The following SRRD variants were observed in gnomAD, a reference collection of about 807,000 sequenced individuals.
SRRD encodes SRR1 domain containing, also known as SRR1-like protein.
In SRRD, 28 loss-of-function variants were observed where a neutral mutation model predicts 30.7. That is an observed-to-expected ratio of 0.91 (90% CI 0.68 to 1.25). The LOEUF is 1.25. SRRD is among the 50% of genes most tolerant of loss of function. SRRD has a pLI of 0.00. For synonymous variants in SRRD, 161 were observed against 159.6 expected (o/e 1.01, Z -0.07); for missense variants, 415 against 417.3 (o/e 0.99, Z 0.05).
In SRRD at chr22:26,491,622, G is replaced by T; in HGVS notation, c.970G>T (p.Asp324Tyr). The part of the protein sequence containing the change: ...REEPDYQDCE[D>Y]LEIIRNKRED... ...AGAACCAGATTATCAGGACTGTGAG[G>T]ACCTTGAAATCATCAGGAACAAGAG... Residue 324 changes from aspartate to tyrosine, a missense_variant, in exon 7 of 7, where the codon GAC becomes TAC. Coordinates refer to ENST00000215917, the MANE Select transcript of SRRD (RefSeq NM_001013694.3). 1 of 1,613,898 alleles carries T rather than the reference G, an allele frequency of 6.2e-7. No homozygotes were observed. Among genetic ancestry groups the T allele is most frequent in the East Asian group, 2.2e-5 (1 of 44,890 alleles).
chr22:26,491,239 CTTAGT>C (rs1330456564), intron 6 of SRRD, 169 bp downstream of exon 6: 6 of 771,716 alleles, frequency 7.8e-6, no homozygotes, highest in Non-Finnish European at 1.3e-5. Flanking sequence ...TAATGCATCT[CTTAGT>C]TTTTTCCTTA....
chr22:26,491,891 C>G lies in SRRD; in HGVS notation c.*219C>G. The G allele has an allele frequency of 9.3e-7, 1 of 1,080,126 alleles. No homozygotes were observed. 66.9% of individuals were successfully genotyped at this position (1,080,126 alleles called of 1,614,324 possible). On this transcript the variant is annotated 3_prime_UTR_variant, in exon 7 of 7. Transcript: ENST00000215917. The stretch of plus-strand genomic sequence containing the variant: ...TTACATCCTTCCCTCATGACCTGGC[C>G]TGATGTGGAGTAGCTCCTGAGTAAA...
Position 26,493,437 on chromosome 22 carries a change from T to C in SRRD, c.*1765T>C, listed in dbSNP as rs1921484976. The C allele has an allele frequency of 6.6e-6, 1 of 152,304 alleles. No homozygotes were observed. Among genetic ancestry groups the C allele is most frequent in the Non-Finnish European group, 1.5e-5 (1 of 68,096 alleles). The allele number at this position is 152,304 out of a possible 1,614,324, so 9.4% of individuals were successfully genotyped here. ...GGCTCTCAGCCTCGCTGGGCTTATC[T>C]GTAAAACACAGACTAGACGATCCCA... is the stretch of plus-strand genomic sequence containing the variant. On this transcript the variant is annotated 3_prime_UTR_variant, in exon 7 of 7. Coordinates refer to ENST00000215917, the MANE Select transcript of SRRD (RefSeq NM_001013694.3).
intron 4 of SRRD, among the ~76,000 whole-genome samples, chr22:26,489,015 C>G (rs2091728985): frequency 6.6e-6 from 1 of 152,200 alleles, no homozygotes. Flanking sequence ...AAATGCATCC[C>G]TAAAGCACAG....
rs186315739 is a variant in SRRD at position 26,494,126 on chromosome 22, A to G, written c.*2454A>G. ...TTGGGGCCAGGACATCCAAAATGGG[A>G]ATCCTCACTTACCAACGTTGGAGGA... On this transcript the variant is annotated 3_prime_UTR_variant, in exon 7 of 7. Transcript: ENST00000215917. 5.0e-6 allele frequency: 8 copies of G among 1,611,408 alleles called. No homozygotes were observed. The Admixed American group carries it at 8.3e-5, about 17-fold the overall frequency.
chr22:26,490,559 C>CTTTTTCTT (rs1921026657), intron 5 of SRRD, among the ~76,000 whole-genome samples: 1 of 51,834 alleles, frequency 1.9e-5, no homozygotes, highest in Non-Finnish European at 3.4e-5. Flanking sequence ...GGAATATTTG[C>CTTTTTCTT]TTTTTTTTTT....
In SRRD at chr22:26,490,198, G is replaced by A; in HGVS notation, c.764G>A (p.Arg255Lys). 6.2e-7 allele frequency: 1 copy of A among 1,614,082 alleles called. No homozygotes were observed. Among genetic ancestry groups the A allele is most frequent in the Non-Finnish European group, 8.5e-7 (1 of 1,179,992 alleles). ...IGNSFKGLEERLLARILQKNY... is the reference protein window; with the variant it reads ...IGNSFKGLEEKLLARILQKNY... ...AACAGTTTCAAAGGACTTGAGGAGA[G>A]GTAAGTCTGAGAATGCTGAGATTCT... is the stretch of plus-strand genomic sequence containing the variant. Residue 255 changes from arginine (R) to lysine (K), a missense_variant and splice_region_variant, in exon 5 of 7, where the codon AGG becomes AAG. Coordinates refer to ENST00000215917, the MANE Select transcript of SRRD (RefSeq NM_001013694.3).
intron 2 of SRRD, among the ~76,000 whole-genome samples, chr22:26,486,496 T>C (rs1489584768): frequency 1.3e-5 from 2 of 152,156 alleles, no homozygotes; most frequent in African/African-American, 2.4e-5. Flanking sequence ...TGTGGGACAT[T>C]TAGTTTTCTT....
intron 1 of SRRD, among the ~76,000 whole-genome samples, chr22:26,484,618 C>G (rs867161755): frequency 6.6e-6 from 1 of 152,218 alleles, no homozygotes; most frequent in South Asian, 2.1e-4. Context: ...TACTAGGACC[C>G]TGGTAGCTCA....
Position 26,494,305 on chromosome 22 carries a change from C to G in SRRD, c.*2633C>G, listed in dbSNP as rs1250270631. ...TGTTACTGAGCCAAGAGCACAGCACCTGCCAAAAAGAAAAATTACTTGCAT... is the reference window on the plus strand; with the variant it reads ...TGTTACTGAGCCAAGAGCACAGCACGTGCCAAAAAGAAAAATTACTTGCAT... On this transcript the variant is annotated 3_prime_UTR_variant, in exon 7 of 7. Transcript: ENST00000215917. 1 of 1,614,180 alleles carries G rather than the reference C, an allele frequency of 6.2e-7. No homozygotes were observed. The highest frequency in any genetic ancestry group is 1.1e-5 in the South Asian group (1 of 91,068).
At position 26,491,973 on chromosome 22, in the gene SRRD, T is replaced by C. The variant is rs1392037995; in HGVS notation, c.*301T>C. The C allele has an allele frequency of 6.5e-7, 1 of 1,536,298 alleles. No individual in the cohort carries two copies. Among genetic ancestry groups the C allele is most frequent in the South Asian group, 1.2e-5 (1 of 83,898 alleles). Reference sequence around the variant, plus strand: ...ACTGTTTATTTACAGTACATCCCTCTTAGGGGCAAGTCTCTGACTGGTTCT... The same window carrying C: ...ACTGTTTATTTACAGTACATCCCTCCTAGGGGCAAGTCTCTGACTGGTTCT... On this transcript the variant is annotated 3_prime_UTR_variant, in exon 7 of 7. Transcript: ENST00000215917.
rs768473687 is a variant in SRRD at position 26,488,138 on chromosome 22, A to T, written c.360A>T (p.Ser120=). 6.2e-7 allele frequency: 1 copy of T among 1,614,236 alleles called. No homozygotes were observed. The highest frequency in any genetic ancestry group is 8.5e-7 in the Non-Finnish European group (1 of 1,180,050). Residue 120 remains serine (S), a synonymous_variant, in exon 3 of 7, where the codon TCA becomes TCT. Transcript: ENST00000215917. The part of the protein sequence containing the change: ...NLHLDSLPEE[S]DVATDSIPRE... ...ATCTTGACTCATTGCCAGAGGAGTC[A>T]GATGTGGCCACTGATTCTATCCCAA...
intron 6 of SRRD, 155 bp from the exon 7 acceptor site, chr22:26,491,308 C>T: frequency 2.7e-6 from 2 of 747,852 alleles, no homozygotes; most frequent in Non-Finnish European, 2.2e-6. Flanking sequence ...TTGGGGCGCC[C>T]AATTCATTGT....
intron 1 of SRRD, among the ~76,000 whole-genome samples, 181 bp downstream of exon 1, chr22:26,484,280 CT>C (rs773425443): frequency 2.0e-5 from 3 of 152,184 alleles, no homozygotes; most frequent in Non-Finnish European, 4.4e-5. Flanking sequence ...TAAAGGTCGT[CT>C]TTCCTTTTAT....
In SRRD at chr22:26,492,367, A is replaced by C. The variant is rs1406383886; in HGVS notation, c.*695A>C. 1.2e-6 allele frequency: 2 copies of C among 1,613,894 alleles called. No homozygotes were observed. Among genetic ancestry groups the C allele is most frequent in the Admixed American group, 1.7e-5 (1 of 60,006 alleles). ...CCCGTGCTCCTGGCTGCATGTAGGC[A>C]CCTAAGATACAGGAGGACAGGGCGG... On this transcript the variant is annotated 3_prime_UTR_variant, in exon 7 of 7. Transcript: ENST00000215917.
intron 4 of SRRD, among the ~76,000 whole-genome samples, chr22:26,488,942 T>C (rs2091728619): frequency 6.6e-6 from 1 of 152,250 alleles, no homozygotes; most frequent in Non-Finnish European, 1.5e-5. Flanking sequence ...ATTAATTCTC[T>C]GCCCATGTTT....
In SRRD at chr22:26,487,171, T is replaced by A. The variant is rs373602699; in HGVS notation, c.251-858T>A. On this transcript the variant is annotated intron_variant, in intron 2 of 6. Coordinates refer to ENST00000215917, the MANE Select transcript of SRRD (RefSeq NM_001013694.3). ...CCTGACCTCAAGTGATCTGCCCACC[T>A]CGGTCTCCCAAGGTACTGGGATTAC... Among the ~76,000 whole-genome samples, 5 of 152,226 alleles carry A rather than the reference T, an allele frequency of 3.3e-5. No homozygotes were observed. In the South Asian group the frequency reaches 1.0e-3, roughly 32 times the overall value.
At chr22:26,485,715 TAAC>T (rs766725907) in intron 1 of SRRD, among the ~76,000 whole-genome samples, 7 of 152,280 alleles carry the variant, frequency 4.6e-5, no homozygotes, top group Middle Eastern at 3.4e-3. Flanking sequence ...TCTGAGCACT[TAAC>T]AACCATTTAT....
chr22:26,484,135 C>T lies in SRRD; in HGVS notation c.209+36C>T, dbSNP rs1202151138. ...GCTCGGCCCTGATGGAATCTTTGCG[C>T]CCATGGGCAATTCTGAGCCACAGTC... On this transcript the variant is annotated intron_variant, in intron 1 of 6. Transcript: ENST00000215917. The T allele has an allele frequency of 3.3e-6, 5 of 1,519,190 alleles. No homozygotes were observed. The Admixed American group carries it at 1.0e-4, about 30-fold the overall frequency. The allele number at this position is 1,519,190 out of a possible 1,614,324, so 94.1% of individuals were successfully genotyped here. A position where few individuals can be genotyped will look rare whatever the true frequency, so the allele number is the denominator to read the frequency against.
Sources: gnomAD v4.1 joint callset for allele counts (sites outside exome capture counted in the v4.1 genomes callset) on GRCh38, gnomAD v4.1.1 for gene constraint, MANE v1.5 for transcripts, NCBI Gene and HGNC (gene_info 2026-07-23, HGNC 2026-07-21) for gene names.